SARM1: variants seen among roughly 807,000 people sequenced by gnomAD.
The protein encoded by SARM1 is NAD(+) hydrolase SARM1.
Under a neutral mutation model 65.1 loss-of-function variants are expected in SARM1, and 60 were observed. The observed-to-expected ratio is 0.92, with a 90% CI of 0.75 to 1.14. The LOEUF (loss-of-function observed/expected upper bound fraction) is 1.14. Among genes scored for constraint, SARM1 ranks in the 50% most tolerant of loss-of-function variants. The pLI, the probability that SARM1 is intolerant of heterozygous loss-of-function variation, is 0.00. For synonymous variants in SARM1, 417 were observed against 465.4 expected, an observed-to-expected ratio of 0.90 and a Z score of 1.34; for missense variants, 913 against 1,015.7, an observed-to-expected ratio of 0.90 and a Z score of 1.37.
chr17:28,372,052 T>TA lies in SARM1; in HGVS notation c.20_21insA (p.Ser8LeufsTer148). 1 of 1,505,674 alleles carries TA rather than the reference T, an allele frequency of 6.6e-7. No homozygotes were observed. Among genetic ancestry groups the TA allele is most frequent in the Admixed American group, 2.0e-5 (1 of 48,944 alleles). 93.3% of individuals were successfully genotyped at this position (1,505,674 alleles called of 1,614,324 possible). A position where few individuals can be genotyped will look rare whatever the true frequency, so the allele number is the denominator to read the frequency against. On this transcript the variant is annotated frameshift_variant, in exon 1 of 9. Coordinates refer to ENST00000585482, the MANE Select transcript of SARM1 (RefSeq NM_015077.4). LOFTEE classifies it high-confidence loss of function. This position sits in a 1 kb window ranked among gnomAD's most constrained non-coding sequence, Gnocchi z 5.2. ...GCGCCCATGGTCCTGACGCTGCTTCTCTCCGCCTACAAGCTGTGTCGCTTC... is the reference window on the plus strand; with the variant it reads ...GCGCCCATGGTCCTGACGCTGCTTCTACTCCGCCTACAAGCTGTGTCGCTTC...
rs782046771 is a variant in SARM1 at position 28,402,981 on chromosome 17, G to C, written c.*6695G>C. 1 of 152,272 alleles carries C rather than the reference G, an allele frequency of 6.6e-6. No individual in the cohort carries two copies. Among genetic ancestry groups the C allele is most frequent in the Non-Finnish European group, 1.5e-5 (1 of 68,078 alleles). 9.4% of individuals were successfully genotyped at this position (152,272 alleles called of 1,614,324 possible). ...GGAAAGCAGACGGAGATTTGGCACCGACAGAATTGAGAAGGCACAAAGAGG... is the reference window on the plus strand; with the variant it reads ...GGAAAGCAGACGGAGATTTGGCACCCACAGAATTGAGAAGGCACAAAGAGG... On this transcript the variant is annotated 3_prime_UTR_variant, in exon 9 of 9. Transcript: ENST00000585482.
chr17:28,392,696 C>T (rs1220116297), intron 7 of SARM1, among the ~76,000 whole-genome samples: 2 of 152,080 alleles, frequency 1.3e-5, no homozygotes, highest in African/African-American at 4.8e-5. Context: ...TTTTTTCTCT[C>T]CATCTGTAAA....
In SARM1 at chr17:28,396,711, C is replaced by T. The variant is rs1339848912; in HGVS notation, c.*425C>T. The T allele has an allele frequency of 3.8e-5, 7 of 181,898 alleles. No individual in the cohort carries two copies. In the East Asian group the frequency reaches 8.9e-4, roughly 23 times the overall value. 11.3% of individuals were successfully genotyped at this position (181,898 alleles called of 1,614,324 possible). Reference sequence around the variant, plus strand: ...GCGGGCCTGGGCACTGTATTCTGAGCAAGGGCCTGGGCCCAGGAGCCAGCC... The same window carrying T: ...GCGGGCCTGGGCACTGTATTCTGAGTAAGGGCCTGGGCCCAGGAGCCAGCC... On this transcript the variant is annotated 3_prime_UTR_variant, in exon 9 of 9. Coordinates refer to ENST00000585482, the MANE Select transcript of SARM1 (RefSeq NM_015077.4).
At position 28,384,997 on chromosome 17, in the gene SARM1, G is replaced by A; in HGVS notation, c.1395-43G>A. On this transcript the variant is annotated intron_variant, in intron 4 of 8. Transcript: ENST00000585482. The surrounding 1 kb of genome is among the most constrained non-coding windows in gnomAD (Gnocchi z 4.4). ...TAAGCTCCCCCTCCGCCCACAGCCC[G>A]TCCGAGTCTGGACCTCAGCGTCTTC... 6.2e-7 allele frequency: 1 copy of A among 1,607,904 alleles called. No individual in the cohort carries two copies. The highest frequency in any genetic ancestry group is 8.5e-7 in the Non-Finnish European group (1 of 1,176,182).
chr17:28,381,601 C>T lies in SARM1; in HGVS notation c.869C>T (p.Ser290Leu), dbSNP rs782769243. 3 of 1,586,290 alleles carry T rather than the reference C, an allele frequency of 1.9e-6. No individual in the cohort carries two copies. Among genetic ancestry groups the T allele is most frequent in the South Asian group, 1.2e-5 (1 of 86,914 alleles). ...NKEVEREVERSGTLALVEPLV... is the reference protein window; with the variant it reads ...NKEVEREVERLGTLALVEPLV... ...GAGGTGGAGCGCGAGGTGGAGCGCT[C>T]GGGCACGCTGGCGCTCGTGGAGCCG... The change falls in exon 2 of 9, where the codon TCG becomes TTG. Residue 290 changes from serine to leucine, a missense_variant. Coordinates refer to ENST00000585482, the MANE Select transcript of SARM1 (RefSeq NM_015077.4).
chr17:28,384,680 G>T lies in SARM1; in HGVS notation c.1302+111G>T, dbSNP rs531889582. ...CGCGGCGCCAGGGTCGCTTTTGGGG[G>T]CGGGGAGCCTGTACGCAGCCACCGT... On this transcript the variant is annotated intron_variant, in intron 3 of 8. Transcript: ENST00000585482. The surrounding 1 kb of genome is among the most constrained non-coding windows in gnomAD (Gnocchi z 4.4). 1.4e-4 allele frequency: 187 copies of T among 1,294,650 alleles called. No homozygotes were observed. In the African/African-American group the frequency reaches 2.5e-3, roughly 17 times the overall value. 80.2% of individuals were successfully genotyped at this position (1,294,650 alleles called of 1,614,324 possible).
Position 28,399,362 on chromosome 17 carries a change from G to T in SARM1, c.*3076G>T. 2.4e-6 allele frequency: 1 copy of T among 410,188 alleles called. No individual in the cohort carries two copies. Among genetic ancestry groups the T allele is most frequent in the Non-Finnish European group, 4.5e-6 (1 of 221,774 alleles). 25.4% of individuals were successfully genotyped at this position (410,188 alleles called of 1,614,324 possible). ...CTCAGGACCTCTCCTCTGGCCTGTGGGGTTATAAGTGATGGATAGCAGAAA... is the reference window on the plus strand; with the variant it reads ...CTCAGGACCTCTCCTCTGGCCTGTGTGGTTATAAGTGATGGATAGCAGAAA... On this transcript the variant is annotated 3_prime_UTR_variant, in exon 9 of 9. Coordinates refer to ENST00000585482, the MANE Select transcript of SARM1 (RefSeq NM_015077.4).
chr17:28,396,261 G>T lies in SARM1; in HGVS notation c.2150G>T (p.Gly717Val). 2.5e-6 allele frequency: 4 copies of T among 1,614,000 alleles called. No individual in the cohort carries two copies. Among genetic ancestry groups the T allele is most frequent in the Admixed American group, 1.7e-5 (1 of 60,020 alleles). ...SSAGSDTSLE[G>V]AAPMGPT Reference sequence around the variant, plus strand: ...GCAGGCTCTGACACCAGTTTGGAGGGTGCTGCACCCATGGGTCCAACCTAA... The same window carrying T: ...GCAGGCTCTGACACCAGTTTGGAGGTTGCTGCACCCATGGGTCCAACCTAA... The change falls in exon 9 of 9, where the codon GGT becomes GTT. Residue 717 changes from glycine (G) to valine (V), a missense_variant. This residue lies in a region of SARM1 where 862 missense variants were observed against 952.1 expected (regional missense o/e 0.91). Coordinates refer to ENST00000585482, the MANE Select transcript of SARM1 (RefSeq NM_015077.4).
At chr17:28,388,140 C>A in intron 5 of SARM1, 34 bp from the exon 6 acceptor site, 2 of 1,425,708 alleles carry the variant, frequency 1.4e-6, no homozygotes, top group East Asian at 2.5e-5. Flanking sequence ...TGCGGAGGGG[C>A]CACCTTCACC....
rs2068194115 is a variant in SARM1, at chr17:28,401,231, A to C, written c.*4945A>C. 4.2e-5 allele frequency: 8 copies of C among 189,906 alleles called. No individual in the cohort carries two copies. The South Asian group carries it at 8.4e-4, about 20-fold the overall frequency. The allele number at this position is 189,906 out of a possible 1,614,324, so 11.8% of individuals were successfully genotyped here. A position where few individuals can be genotyped will look rare whatever the true frequency, so the allele number is the denominator to read the frequency against. On this transcript the variant is annotated 3_prime_UTR_variant, in exon 9 of 9. Coordinates refer to ENST00000585482, the MANE Select transcript of SARM1 (RefSeq NM_015077.4). ...TTCCTCCTTCTGCTAAATAAGGATAATACCTATTTCCTAGATTGTGAGCAA... is the reference window on the plus strand; with the variant it reads ...TTCCTCCTTCTGCTAAATAAGGATACTACCTATTTCCTAGATTGTGAGCAA...
Position 28,385,354 on chromosome 17 carries a change from G to A in SARM1, c.1630+79G>A. 1 of 1,116,780 alleles carries A rather than the reference G, an allele frequency of 9.0e-7. No individual in the cohort carries two copies. The highest frequency in any genetic ancestry group is 1.2e-6 in the Non-Finnish European group (1 of 803,502). The allele number at this position is 1,116,780 out of a possible 1,614,324, so 69.2% of individuals were successfully genotyped here. On this transcript the variant is annotated intron_variant, in intron 5 of 8. Coordinates refer to ENST00000585482, the MANE Select transcript of SARM1 (RefSeq NM_015077.4). The surrounding 1 kb of genome is among the most constrained non-coding windows in gnomAD (Gnocchi z 4.5). ...GGAATGGTGAGGGGAGACACGGGGT[G>A]GAGCCTTCCAGCCTCGCCGTGGATT...
At position 28,400,497 on chromosome 17, in the gene SARM1, C is replaced by T; in HGVS notation, c.*4211C>T. On this transcript the variant is annotated 3_prime_UTR_variant, in exon 9 of 9. Transcript: ENST00000585482. ...GAGAGGGGCAACCTGGGACAAGACA[C>T]CCAGAGGGTAAGGATTCCAGGAATG... The T allele has an allele frequency of 1.4e-6, 2 of 1,435,358 alleles. No individual in the cohort carries two copies. The highest frequency in any genetic ancestry group is 2.2e-5 in the Admixed American group (1 of 46,152). The allele number at this position is 1,435,358 out of a possible 1,614,324, so 88.9% of individuals were successfully genotyped here. A position where few individuals can be genotyped will look rare whatever the true frequency, so the allele number is the denominator to read the frequency against.
rs1555588240 is a variant in SARM1, at chr17:28,396,892, C to A, written c.*606C>A. On this transcript the variant is annotated 3_prime_UTR_variant, in exon 9 of 9. Coordinates refer to ENST00000585482, the MANE Select transcript of SARM1 (RefSeq NM_015077.4). ...CCTACAGCTTCCTTCGGTGTGGTAT[C>A]TTTTGCCACATCCAGGGCGAGGGTT... 6.6e-6 allele frequency: 1 copy of A among 152,520 alleles called. No homozygotes were observed. Among genetic ancestry groups the A allele is most frequent in the African/African-American group, 2.4e-5 (1 of 41,482 alleles). 9.4% of individuals were successfully genotyped at this position (152,520 alleles called of 1,614,324 possible). A position where few individuals can be genotyped will look rare whatever the true frequency, so the allele number is the denominator to read the frequency against.
Position 28,403,814 on chromosome 17 carries a change from C to G in SARM1, c.*7528C>G, listed in dbSNP as rs572018239. 2 of 152,232 alleles carry G rather than the reference C, an allele frequency of 1.3e-5. No individual in the cohort carries two copies. The highest frequency in any genetic ancestry group is 2.1e-4 in the South Asian group (1 of 4,820). The allele number at this position is 152,232 out of a possible 1,614,324, so 9.4% of individuals were successfully genotyped here. A position where few individuals can be genotyped will look rare whatever the true frequency, so the allele number is the denominator to read the frequency against. ...GATCCTTGAGCTCAGGAGTTAGAGA[C>G]CTGGACTGGGCAAAATGGTGAGGAC... On this transcript the variant is annotated 3_prime_UTR_variant, in exon 9 of 9. Coordinates refer to ENST00000585482, the MANE Select transcript of SARM1 (RefSeq NM_015077.4).
intron 6 of SARM1, 24 bp from the exon 7 acceptor site, chr17:28,388,326 C>T: frequency 6.2e-7 from 1 of 1,611,886 alleles, no homozygotes; most frequent in Non-Finnish European, 8.5e-7. Context: ...AAGGCTGTGG[C>T]ACTGACACAG....
Position 28,388,385 on chromosome 17 carries a change from G to T in SARM1, c.1769G>T (p.Ser590Ile), listed in dbSNP as rs782491086. ...GTGCACCTGCAGCTGCATGGCTTCA[G>T]TGTCTTCATTGATGTGGAGAAGCTG... ...LKVHLQLHGFSVFIDVEKLEA... is the reference protein window; with the variant it reads ...LKVHLQLHGFIVFIDVEKLEA... The change falls in exon 7 of 9, where the codon AGT becomes ATT. Residue 590 changes from serine to isoleucine, a missense_variant. By Grantham distance (142) the Ser-to-Ile change is moderately radical. Coordinates refer to ENST00000585482, the MANE Select transcript of SARM1 (RefSeq NM_015077.4). 7 of 1,614,004 alleles carry T rather than the reference G, an allele frequency of 4.3e-6. No individual in the cohort carries two copies. The highest frequency in any genetic ancestry group is 5.1e-6 in the Non-Finnish European group (6 of 1,179,896).
Position 28,396,276 on chromosome 17 carries a change from G to C in SARM1, c.2165G>C (p.Gly722Ala). The C allele has an allele frequency of 6.2e-7, 1 of 1,613,920 alleles. No individual in the cohort carries two copies. The highest frequency in any genetic ancestry group is 2.2e-5 in the East Asian group (1 of 44,872). Reference sequence around the variant, plus strand: ...AGTTTGGAGGGTGCTGCACCCATGGGTCCAACCTAACCAGTCCCCAGTTCC... The same window carrying C: ...AGTTTGGAGGGTGCTGCACCCATGGCTCCAACCTAACCAGTCCCCAGTTCC... ...DTSLEGAAPM[G>A]PT Residue 722 changes from glycine (G) to alanine (A), a missense_variant, in exon 9 of 9, where the codon GGT becomes GCT. Physicochemically the swap from Gly to Ala is moderately conservative, Grantham distance 60. Around this residue, in one of 3 missense-constraint regions of SARM1, gnomAD observed 862 missense variants for 952.1 expected, o/e 0.91. Coordinates refer to ENST00000585482, the MANE Select transcript of SARM1 (RefSeq NM_015077.4).
At position 28,388,213 on chromosome 17, in the gene SARM1, C is replaced by G. The variant is rs1555586335; in HGVS notation, c.1670C>G (p.Pro557Arg). 1 of 1,550,544 alleles carries G rather than the reference C, an allele frequency of 6.4e-7. No homozygotes were observed. Among genetic ancestry groups the G allele is most frequent in the Non-Finnish European group, 8.7e-7 (1 of 1,147,244 alleles). ...CCGCTGCCCTGTACTGGTGGCAAAC[C>G]CAGTGGGGACACTCCAGATGTCTTC... is the stretch of plus-strand genomic sequence containing the variant. The part of the protein sequence containing the change: ...HSPLPCTGGK[P>R]SGDTPDVFIS... The change falls in exon 6 of 9, where the codon CCC becomes CGC. Residue 557 changes from proline to arginine, a missense_variant. Pro to Arg is a moderately radical substitution (Grantham distance 103, BLOSUM62 -2). This residue lies in a region of SARM1 where 862 missense variants were observed against 952.1 expected (regional missense o/e 0.91). Transcript: ENST00000585482.
At chr17:28,382,833 C>T (rs537434636) in intron 2 of SARM1, among the ~76,000 whole-genome samples, 17 of 148 alleles carry the variant, frequency 0.11, no homozygotes, top group Admixed American at 0.5. Flanking sequence ...ACTACAAGCA[C>T]GCACCACAAT....
Sources: allele counts gnomAD v4.1 joint callset (sites outside exome capture counted in the v4.1 genomes callset), GRCh38; gene constraint gnomAD v4.1.1; regional missense constraint gnomAD v4.1.1; non-coding constraint Gnocchi (gnomAD v3.1); transcripts MANE v1.5; gene names NCBI Gene and HGNC (gene_info 2026-07-23, HGNC 2026-07-21).